ZNF202: variants seen among roughly 807,000 people sequenced by gnomAD.
ZNF202 encodes the protein zinc finger protein 202.
In ZNF202, 22 loss-of-function variants were observed where a neutral mutation model predicts 54.5. The ratio of observed to expected loss-of-function variants is 0.40; its 90% CI spans 0.29 to 0.58. The LOEUF (loss-of-function observed/expected upper bound fraction) is 0.58. Among genes scored for constraint, ZNF202 ranks in the 20% least tolerant of loss-of-function variants. The pLI is 0.39. For synonymous variants in ZNF202, 294 were observed against 301.4 expected (o/e 0.98, Z 0.26); for missense variants, 644 against 805.5 (o/e 0.80, Z 2.43).
intron 3 of ZNF202, among the ~76,000 whole-genome samples, chr11:123,735,788 G>C (rs1470235948): frequency 6.6e-6 from 1 of 152,230 alleles, no homozygotes; most frequent in Non-Finnish European, 1.5e-5. Context: ...TTTAATATTA[G>C]AGGCAGAAAA....
intron 3 of ZNF202, among the ~76,000 whole-genome samples, chr11:123,734,175 G>A (rs1383225742): frequency 2.0e-5 from 3 of 152,096 alleles, no homozygotes; most frequent in Admixed American, 6.6e-5. Context: ...GGGCTGTCCT[G>A]TTCCTGACAG....
chr11:123,728,109 T>A (rs927208056), intron 7 of ZNF202, 24 bp downstream of exon 7: 60 of 1,598,714 alleles, frequency 3.8e-5, no homozygotes, highest in Middle Eastern at 3.4e-4. Flanking sequence ...CTTAGAACAC[T>A]CTAGAATACT....
Position 123,729,674 on chromosome 11 carries a change from C to T in ZNF202, c.554G>A (p.Gly185Glu). The change falls in exon 5 of 9, where the codon GGG becomes GAG. Residue 185 changes from glycine to glutamate, a missense_variant. Around this residue, in one of 3 missense-constraint regions of ZNF202, gnomAD observed 536 missense variants for 635.3 expected, o/e 0.84. Transcript: ENST00000530393. Reference sequence around the variant, plus strand: ...GTGTGGACGCTGCTCTGCCGGTGCCCCCAGATCTGGGCTCTGTGTGGTTTC... The same window carrying T: ...GTGTGGACGCTGCTCTGCCGGTGCCTCCAGATCTGGGCTCTGTGTGGTTTC... ...PEETTQSPDLGAPAEQRPHQE... is the reference protein window; with the variant it reads ...PEETTQSPDLEAPAEQRPHQE... The T allele has an allele frequency of 1.2e-6, 2 of 1,612,570 alleles. No homozygotes were observed. Among genetic ancestry groups the T allele is most frequent in the Non-Finnish European group, 1.7e-6 (2 of 1,179,378 alleles).
rs570157416 is a variant in ZNF202 at position 123,727,545 on chromosome 11, G to C, written c.883C>G (p.Pro295Ala). 1 of 1,614,120 alleles carries C rather than the reference G, an allele frequency of 6.2e-7. No homozygotes were observed. The highest frequency in any genetic ancestry group is 2.2e-5 in the East Asian group (1 of 44,884). The part of the protein sequence containing the change: ...DEISQVREEE[P>A]WVPDIQEPQE... Reference sequence around the variant, plus strand: ...GGCTCTTGGATATCTGGGACCCAAGGCTCTTCCTCTCTAACCTGGGAGATC... The same window carrying C: ...GGCTCTTGGATATCTGGGACCCAAGCCTCTTCCTCTCTAACCTGGGAGATC... Residue 295 changes from proline to alanine, a missense_variant, in exon 8 of 9, where the codon CCT (proline) becomes GCT (alanine). Pro to Ala is a conservative substitution (Grantham distance 27). This residue lies in a region of ZNF202 where 536 missense variants were observed against 635.3 expected (regional missense o/e 0.84). Coordinates refer to ENST00000530393, the MANE Select transcript of ZNF202 (RefSeq NM_003455.4).
In ZNF202 at chr11:123,730,907, T is replaced by C; in HGVS notation, c.-19A>G. The C allele has an allele frequency of 6.2e-7, 1 of 1,601,648 alleles. No individual in the cohort carries two copies. Among genetic ancestry groups the C allele is most frequent in the South Asian group, 1.1e-5 (1 of 88,792 alleles). On this transcript the variant is annotated 5_prime_UTR_variant, in exon 4 of 9. Coordinates refer to ENST00000530393, the MANE Select transcript of ZNF202 (RefSeq NM_003455.4). This position sits in a 1 kb window ranked among gnomAD's most constrained non-coding sequence, Gnocchi z 6.0. ...TAGCCATTTCTTGGCTTTGGGGTGG[T>C]CTCACACCATCTAGAGCTCACACTG...
At chr11:123,729,479 G>C in intron 5 of ZNF202, 136 bp downstream of exon 5, 3 of 1,142,498 alleles carry the variant, frequency 2.6e-6, no homozygotes, top group South Asian at 1.7e-5. Context: ...GTCTCCTCTT[G>C]ACATCCTGGA....
In ZNF202 at chr11:123,725,719, C is replaced by T. The variant is rs557214206; in HGVS notation, c.*278G>A. On this transcript the variant is annotated 3_prime_UTR_variant, in exon 9 of 9. Coordinates refer to ENST00000530393, the MANE Select transcript of ZNF202 (RefSeq NM_003455.4). Reference sequence around the variant, plus strand: ...ACGACCTCTTAAGTCTCTTAGTTCTCCTACTTTATACCCATGAGGTAGAGG... The same window carrying T: ...ACGACCTCTTAAGTCTCTTAGTTCTTCTACTTTATACCCATGAGGTAGAGG... 1 of 391,876 alleles carries T rather than the reference C, an allele frequency of 2.6e-6. No individual in the cohort carries two copies. Among genetic ancestry groups the T allele is most frequent in the South Asian group, 5.7e-5 (1 of 17,516 alleles). 24.3% of individuals were successfully genotyped at this position (391,876 alleles called of 1,614,324 possible).
At position 123,726,845 on chromosome 11, in the gene ZNF202, C is replaced by T. The variant is rs575384396; in HGVS notation, c.1099G>A (p.Glu367Lys). 1 of 1,614,218 alleles carries T rather than the reference C, an allele frequency of 6.2e-7. No individual in the cohort carries two copies. Among genetic ancestry groups the T allele is most frequent in the African/African-American group, 1.3e-5 (1 of 75,050 alleles). The change falls in exon 9 of 9, where the codon GAA (glutamate) becomes AAA (lysine). Residue 367 changes from glutamate to lysine, a missense_variant. Glu to Lys is a moderately conservative substitution (Grantham distance 56, BLOSUM62 1). Around this residue, in one of 3 missense-constraint regions of ZNF202, gnomAD observed 536 missense variants for 635.3 expected, o/e 0.84. Coordinates refer to ENST00000530393, the MANE Select transcript of ZNF202 (RefSeq NM_003455.4). This position sits in a 1 kb window ranked among gnomAD's most constrained non-coding sequence, Gnocchi z 6.0. ...GAAATATTAGTACCAAATCTTCTTT[C>T]ATTAAGTCTACCTGGATTGTCCTCA... ...VFEDNPGRLN[E>K]RRFGTNISQV...
chr11:123,729,616 G>C lies in ZNF202; in HGVS notation c.612C>G (p.Ser204Arg). 1 of 1,566,858 alleles carries C rather than the reference G, an allele frequency of 6.4e-7. No homozygotes were observed. Among genetic ancestry groups the C allele is most frequent in the South Asian group, 1.2e-5 (1 of 83,728 alleles). Residue 204 changes from serine (S) to arginine (R), a missense_variant and splice_region_variant, in exon 5 of 9, where the codon AGC (serine) becomes AGG (arginine). Around this residue, in one of 3 missense-constraint regions of ZNF202, gnomAD observed 536 missense variants for 635.3 expected, o/e 0.84. Transcript: ENST00000530393. ...CCCCTTTCTGCTGATGCTTCCCACC[G>C]CTCTCCTGCAGGGTCTGGAGCTCCT... ...QEEELQTLQE[S>R]EVPVPEDPDL...
At chr11:123,727,702 T>G (rs1861217027) in intron 7 of ZNF202, 107 bp from the exon 8 acceptor site, 3 of 1,409,918 alleles carry the variant, frequency 2.1e-6, no homozygotes, top group East Asian at 4.6e-5. Flanking sequence ...CATAGCTAGC[T>G]CAGGTGATGA....
intron 3 of ZNF202, among the ~76,000 whole-genome samples, chr11:123,736,873 C>T (rs1429219004): frequency 1.3e-5 from 2 of 152,054 alleles, no homozygotes; most frequent in Non-Finnish European, 2.9e-5. Context: ...AGGGTAGGTG[C>T]TCAATATATT....
Position 123,724,038 on chromosome 11 carries a change from T to C in ZNF202, c.*1959A>G, listed in dbSNP as rs1230206049. ...CCTTTATAAATGGTTAAGTCTGAGC[T>C]AGGAGAAACTATCTTTTGTGGCAGA... On this transcript the variant is annotated 3_prime_UTR_variant, in exon 9 of 9. Transcript: ENST00000530393. 1 of 152,250 alleles carries C rather than the reference T, an allele frequency of 6.6e-6. No individual in the cohort carries two copies. The highest frequency in any genetic ancestry group is 1.5e-5 in the Non-Finnish European group (1 of 68,038). The allele number at this position is 152,250 out of a possible 1,614,324, so 9.4% of individuals were successfully genotyped here.
intron 3 of ZNF202, among the ~76,000 whole-genome samples, chr11:123,732,756 A>G (rs1036982557): frequency 6.6e-6 from 1 of 152,232 alleles, no homozygotes; most frequent in Admixed American, 6.5e-5. Context: ...AAATGCATTT[A>G]AAATGAATAA....
In ZNF202 at chr11:123,726,599, T is replaced by C; in HGVS notation, c.1345A>G (p.Met449Val). ...HLARHQKVHK[M>V]NAPYKYPLNR... Reference sequence around the variant, plus strand: ...AGGGGATATTTGTAAGGCGCGTTCATCTTGTGAACCTTTTGGTGCCTGGCA... The same window carrying C: ...AGGGGATATTTGTAAGGCGCGTTCACCTTGTGAACCTTTTGGTGCCTGGCA... The change falls in exon 9 of 9, where the codon ATG becomes GTG. Residue 449 changes from methionine to valine, a missense_variant. Around this residue, in one of 3 missense-constraint regions of ZNF202, gnomAD observed 536 missense variants for 635.3 expected, o/e 0.84. Coordinates refer to ENST00000530393, the MANE Select transcript of ZNF202 (RefSeq NM_003455.4). The surrounding 1 kb of genome is among the most constrained non-coding windows in gnomAD (Gnocchi z 6.0). 1 of 1,614,198 alleles carries C rather than the reference T, an allele frequency of 6.2e-7. No individual in the cohort carries two copies. Among genetic ancestry groups the C allele is most frequent in the East Asian group, 2.2e-5 (1 of 44,876 alleles).
chr11:123,724,767 CAA>C lies in ZNF202; in HGVS notation c.*1228_*1229del, dbSNP rs1284708476. On this transcript the variant is annotated 3_prime_UTR_variant, in exon 9 of 9. Coordinates refer to ENST00000530393, the MANE Select transcript of ZNF202 (RefSeq NM_003455.4). ...GAACATAAAATCACGTAAGAAAAAGCAAACAACACAAATACATGAAAGCCATT... is the reference window on the plus strand; with the variant it reads ...GAACATAAAATCACGTAAGAAAAAGCACAACACAAATACATGAAAGCCATT... The C allele has an allele frequency of 3.9e-5, 6 of 152,166 alleles. No individual in the cohort carries two copies. The highest frequency in any genetic ancestry group is 5.9e-5 in the Non-Finnish European group (4 of 68,028). The allele number at this position is 152,166 out of a possible 1,614,324, so 9.4% of individuals were successfully genotyped here.
rs1457095410 is a variant in ZNF202 at position 123,726,097 on chromosome 11, G to T, written c.1847C>A (p.Thr616Asn). Residue 616 changes from threonine (T) to asparagine (N), a missense_variant, in exon 9 of 9, where the codon ACT becomes AAT. Thr to Asn is a moderately conservative substitution (Grantham distance 65, BLOSUM62 0). Around this residue, in one of 3 missense-constraint regions of ZNF202, gnomAD observed 536 missense variants for 635.3 expected, o/e 0.84. Transcript: ENST00000530393. This position sits in a 1 kb window ranked among gnomAD's most constrained non-coding sequence, Gnocchi z 6.0. The part of the protein sequence containing the change: ...DHLVRHQRTH[T>N]GEKPFTCPTC... The stretch of plus-strand genomic sequence containing the variant: ...AGGGCACGTGAATGGTTTCTCCCCA[G>T]TGTGTGTTCTCTGATGCCTGACGAG... 6.2e-7 allele frequency: 1 copy of T among 1,614,218 alleles called. No homozygotes were observed. Among genetic ancestry groups the T allele is most frequent in the Non-Finnish European group, 8.5e-7 (1 of 1,180,042 alleles).
intron 3 of ZNF202, among the ~76,000 whole-genome samples, 183 bp downstream of exon 3, chr11:123,739,934 G>A (rs540777513): frequency 6.6e-6 from 1 of 152,310 alleles, no homozygotes; most frequent in African/African-American, 2.4e-5. Flanking sequence ...GGTGCTTATA[G>A]TAAGTTTGAG....
intron 8 of ZNF202, 127 bp from the exon 9 acceptor site, chr11:123,727,118 C>T (rs1861186775): frequency 1.6e-6 from 2 of 1,219,472 alleles, no homozygotes; most frequent in African/African-American, 1.5e-5. Flanking sequence ...CTGTGCCAAG[C>T]ACTTTCTCAT....
intron 3 of ZNF202, among the ~76,000 whole-genome samples, chr11:123,737,638 T>C (rs140610463): frequency 6.6e-5 from 10 of 151,882 alleles, no homozygotes; most frequent in Non-Finnish European, 2.9e-5. Flanking sequence ...TGAGAGTAAA[T>C]GTAAACACAA....
Sources: allele counts gnomAD v4.1 joint callset (sites outside exome capture counted in the v4.1 genomes callset), GRCh38; gene constraint gnomAD v4.1.1; regional missense constraint gnomAD v4.1.1; non-coding constraint Gnocchi (gnomAD v3.1); transcripts MANE v1.5; gene names NCBI Gene and HGNC (gene_info 2026-07-23, HGNC 2026-07-21).